Variants in RPL28 observed in about 807,000 individuals in gnomAD.
RPL28 encodes ribosomal protein L28, also known as large ribosomal subunit protein eL28.
Under a neutral mutation model 12.5 loss-of-function variants are expected in RPL28, and 4 were observed. That is an observed-to-expected ratio of 0.32 (90% confidence interval 0.16 to 0.73). The LOEUF (loss-of-function observed/expected upper bound fraction) is 0.73. Among genes scored for constraint, RPL28 ranks in the 30% least tolerant of loss-of-function variants. RPL28 has a pLI of 0.66. For synonymous variants in RPL28, 91 were observed against 72.5 expected (o/e 1.26, Z -1.30); for missense variants, 214 against 197.7 (o/e 1.08, Z -0.49).
rs759766193 is a variant in RPL28, at chr19:55,401,681, C to G, written c.325-1262C>G. 1.2e-5 allele frequency: 20 copies of G among 1,612,852 alleles called. No individual in the cohort carries two copies. The East Asian group carries it at 1.8e-4, about 14-fold the overall frequency. On this transcript the variant is annotated intron_variant, in intron 4 of 4. Transcript: ENST00000560055. The stretch of plus-strand genomic sequence containing the variant: ...AGACGGGCCCGAGCCGCATACTCCT[C>G]GTAGTTCTCCAAGAGCAGGCGGCCC...
At chr19:55,401,078 C>T (rs2090053566) in intron 4 of RPL28, 2 of 274,678 alleles carry the variant, frequency 7.3e-6, no homozygotes, top group Non-Finnish European at 1.4e-5. Context: ...GGAAATCTGA[C>T]TCCAAAGAGG....
rs763560639 is a variant in RPL28, at chr19:55,390,133, C to G, written c.*1801C>G. The G allele has an allele frequency of 1.5e-5, 15 of 985,384 alleles. No individual in the cohort carries two copies. The highest frequency in any genetic ancestry group is 1.8e-5 in the Non-Finnish European group (15 of 829,954). The allele number at this position is 985,384 out of a possible 1,614,324, so 61.0% of individuals were successfully genotyped here. A position where few individuals can be genotyped will look rare whatever the true frequency, so the allele number is the denominator to read the frequency against. Reference sequence around the variant, plus strand: ...TGGGCAAGGGGTTTGTCTAGCACACCAGCATATAATGAGATGCTTGATGAA... The same window carrying G: ...TGGGCAAGGGGTTTGTCTAGCACACGAGCATATAATGAGATGCTTGATGAA... On this transcript the variant is annotated 3_prime_UTR_variant, in exon 5 of 5. Coordinates refer to ENST00000344063, the MANE Select transcript of RPL28 (RefSeq NM_000991.5).
chr19:55,394,451 A>G (rs924925139), downstream of RPL28, among the ~76,000 whole-genome samples: 1 of 151,810 alleles, frequency 6.6e-6, no homozygotes. Flanking sequence ...TGTAGAGACA[A>G]GGTCTCACTG....
chr19:55,394,897 G>A (rs1395053327), downstream of RPL28, among the ~76,000 whole-genome samples: 1 of 151,764 alleles, frequency 6.6e-6, no homozygotes, highest in Non-Finnish European at 1.5e-5. Flanking sequence ...TTATGTTTTG[G>A]GCCAATCTCT....
At chr19:55,386,835 T>C in intron 3 of RPL28, 142 bp downstream of exon 3, 1 of 1,574,544 alleles carries the variant, frequency 6.4e-7, no homozygotes, top group Non-Finnish European at 8.6e-7. Flanking sequence ...GGGTACCGGC[T>C]TCCCTCTCGG....
intron 4 of RPL28, chr19:55,401,193 C>T (rs1210093552): frequency 1.7e-6 from 1 of 574,666 alleles, no homozygotes; most frequent in African/African-American, 1.9e-5. Context: ...TGAGGCTTTA[C>T]AAGGACCCAG....
At chr19:55,387,327 C>A in intron 3 of RPL28, 1 of 1,551,692 alleles carries the variant, frequency 6.4e-7, no homozygotes, top group South Asian at 1.2e-5. Flanking sequence ...GCCTCAGAGC[C>A]AAGGGTCCTT....
intron 4 of RPL28, among the ~76,000 whole-genome samples, chr19:55,399,510 G>C (rs1295042536): frequency 6.6e-6 from 1 of 152,170 alleles, no homozygotes; most frequent in Non-Finnish European, 1.5e-5. Flanking sequence ...GGGCATATTA[G>C]ACAAATCATT....
At chr19:55,402,327 C>T (rs1483173024) in intron 4 of RPL28, among the ~76,000 whole-genome samples, 3 of 152,218 alleles carry the variant, frequency 2.0e-5, no homozygotes, top group African/African-American at 7.2e-5. Context: ...AGTTCACAGC[C>T]TAAGACTCTA....
intron 1 of RPL28, 120 bp downstream of exon 1, chr19:55,386,085 C>G (rs1316568839): frequency 2.2e-6 from 1 of 458,830 alleles, no homozygotes; most frequent in South Asian, 2.2e-5. Context: ...CAACCCCTCC[C>G]CGTGAAGTCG....
rs557963834 is a variant in RPL28, at chr19:55,387,620, T to C, written c.206-310T>C. ...CTGTTCATACCCATTGCCAGGAGCG[T>C]GGGCTCTGGCTGGACCTGGATCAGA... is the stretch of plus-strand genomic sequence containing the variant. On this transcript the variant is annotated intron_variant, in intron 3 of 4. Coordinates refer to ENST00000344063, the MANE Select transcript of RPL28 (RefSeq NM_000991.5). 3.0e-4 allele frequency: 422 copies of C among 1,395,556 alleles called. 1 individual carries two copies. Among genetic ancestry groups the C allele is most frequent in the Non-Finnish European group, 3.6e-4 (386 of 1,079,156 alleles). The allele number at this position is 1,395,556 out of a possible 1,614,324, so 86.4% of individuals were successfully genotyped here. A position where few individuals can be genotyped will look rare whatever the true frequency, so the allele number is the denominator to read the frequency against.
intron 4 of RPL28, 85 bp from the exon 5 acceptor site, chr19:55,388,158 A>G: frequency 6.4e-7 from 1 of 1,556,958 alleles, no homozygotes; most frequent in South Asian, 1.2e-5. Context: ...TCTTGCTTTC[A>G]GCCTACTCCC....
At chr19:55,401,838 TCC>T in intron 4 of RPL28, 2 of 1,504,398 alleles carry the variant, frequency 1.3e-6, no homozygotes, top group South Asian at 1.1e-5. Flanking sequence ...GAGGGTGGCC[TCC>T]GCACTGGCTG....
rs370183612 is a variant in RPL28, at chr19:55,390,420, G to T, written c.*2088G>T. ...GGGTTTCACCATTTTGCCCAGGCTGGTTTGGAACTCCTGACTTCAAATTAC... is the reference window on the plus strand; with the variant it reads ...GGGTTTCACCATTTTGCCCAGGCTGTTTTGGAACTCCTGACTTCAAATTAC... On this transcript the variant is annotated 3_prime_UTR_variant, in exon 5 of 5. Coordinates refer to ENST00000344063, the MANE Select transcript of RPL28 (RefSeq NM_000991.5). 3.0e-5 allele frequency: 29 copies of T among 969,514 alleles called. No individual in the cohort carries two copies. The South Asian group carries it at 1.2e-3, about 40-fold the overall frequency. The allele number at this position is 969,514 out of a possible 1,614,324, so 60.1% of individuals were successfully genotyped here. A position where few individuals can be genotyped will look rare whatever the true frequency, so the allele number is the denominator to read the frequency against.
chr19:55,401,657 G>A lies in RPL28; in HGVS notation c.325-1286G>A, dbSNP rs201792847. On this transcript the variant is annotated intron_variant, in intron 4 of 4. Transcript: ENST00000560055. ...GCGCCCCCGTGGATCTCTGTGAGCA[G>A]ACGGGCCCGAGCCGCATACTCCTCG... 753 of 1,610,060 alleles carry A rather than the reference G, an allele frequency of 4.7e-4. 1 individual carries two copies. The African/African-American group carries it at 8.2e-3, about 18-fold the overall frequency.
intron 1 of RPL28, 92 bp from the exon 2 acceptor site, chr19:55,386,258 C>G (rs2089923196): frequency 4.1e-6 from 5 of 1,211,348 alleles, no homozygotes; most frequent in Non-Finnish European, 5.9e-6. Flanking sequence ...TTCCCAGTCG[C>G]TCTCTTCCTC....
chr19:55,393,777 T>G (rs2090006776), downstream of RPL28, among the ~76,000 whole-genome samples: 1 of 151,812 alleles, frequency 6.6e-6, no homozygotes, highest in Non-Finnish European at 1.5e-5. Context: ...GCCCCTCAAG[T>G]AGCTGGGATT....
In RPL28 at chr19:55,391,541, C is replaced by G. The variant is rs10425362; in HGVS notation, c.*3209C>G. On this transcript the variant is annotated 3_prime_UTR_variant, in exon 5 of 5. Coordinates refer to ENST00000344063, the MANE Select transcript of RPL28 (RefSeq NM_000991.5). ...CAGCAGAGACTCGGGACTGAGGCAT[C>G]CTCTGTTCACAGGACATGCTGGCAT... The G allele has an allele frequency of 6.2e-3, 9,365 of 1,516,010 alleles. 535 individuals are homozygous for G. The African/African-American group carries it at 0.11, about 18-fold the overall frequency. 93.9% of individuals were successfully genotyped at this position (1,516,010 alleles called of 1,614,324 possible). A position where few individuals can be genotyped will look rare whatever the true frequency, so the allele number is the denominator to read the frequency against.
At position 55,389,526 on chromosome 19, in the gene RPL28, A is replaced by AC. The variant is rs558480443; in HGVS notation, c.*1199dup. ...AGGACTCTGCTCCCTGTCTGAGACC[A>AC]CCCCCGGCTCTGACTGAGAGTAAGG... On this transcript the variant is annotated 3_prime_UTR_variant, in exon 5 of 5. Coordinates refer to ENST00000344063, the MANE Select transcript of RPL28 (RefSeq NM_000991.5). The AC allele has an allele frequency of 1.6e-5, 16 of 985,012 alleles. No individual in the cohort carries two copies. Among genetic ancestry groups the AC allele is most frequent in the Non-Finnish European group, 1.9e-5 (16 of 829,900 alleles). 61.0% of individuals were successfully genotyped at this position (985,012 alleles called of 1,614,324 possible).
Sources: allele counts gnomAD v4.1 joint callset (sites outside exome capture counted in the v4.1 genomes callset), GRCh38; gene constraint gnomAD v4.1.1; transcripts MANE v1.5; gene names NCBI Gene and HGNC (gene_info 2026-07-23, HGNC 2026-07-21).